The following KCNIP4 variants were observed in gnomAD, a reference collection of about 807,000 sequenced individuals.
KCNIP4 encodes potassium voltage-gated channel interacting protein 4.
In KCNIP4, 12 loss-of-function variants were observed where a neutral mutation model predicts 34.0. The observed-to-expected ratio is 0.35, with a 90% CI of 0.23 to 0.57. The LOEUF (loss-of-function observed/expected upper bound fraction) is 0.57. Among genes scored for constraint, KCNIP4 ranks in the 20% least tolerant of loss-of-function variants. KCNIP4 has a pLI of 0.83. For missense variants in KCNIP4, 238 were observed against 311.7 expected (o/e 0.76, Z 1.78); for synonymous variants, 124 against 102.2 (o/e 1.21, Z -1.29).
chr4:21,838,599 T>C (rs1723487125), intron 1 of KCNIP4, among the ~76,000 whole-genome samples: 1 of 152,202 alleles, frequency 6.6e-6, no homozygotes, highest in Non-Finnish European at 1.5e-5. Flanking sequence ...AACACTTTTA[T>C]GAATTCGTAT....
At chr4:21,565,087 G>A (rs1344435324) in intron 1 of KCNIP4, among the ~76,000 whole-genome samples, 1 of 152,104 alleles carries the variant, frequency 6.6e-6, no homozygotes, top group Non-Finnish European at 1.5e-5. Context: ...GCATACAATG[G>A]AGATAAAAAT....
chr4:21,015,207 T>A (rs1020168759), intron 1 of KCNIP4, among the ~76,000 whole-genome samples: 1 of 151,430 alleles, frequency 6.6e-6, no homozygotes, highest in Admixed American at 6.6e-5. Flanking sequence ...TGGATAGAAG[T>A]GACTGTTGCA....
chr4:20,943,613 C>T (rs894524138), intron 1 of KCNIP4, among the ~76,000 whole-genome samples: 1 of 152,086 alleles, frequency 6.6e-6, no homozygotes, highest in Non-Finnish European at 1.5e-5. Flanking sequence ...GAGGAGGAAA[C>T]TGAGCTCAGA....
chr4:21,276,211 A>G (rs1762427074), intron 1 of KCNIP4, among the ~76,000 whole-genome samples: 1 of 152,210 alleles, frequency 6.6e-6, no homozygotes. Context: ...TGTGAATGTG[A>G]CCGTTTAAAT....
At chr4:20,801,168 G>A (rs1714173206) in intron 3 of KCNIP4, among the ~76,000 whole-genome samples, 1 of 151,858 alleles carries the variant, frequency 6.6e-6, no homozygotes, top group African/African-American at 2.4e-5. Flanking sequence ...AGCTATGGCT[G>A]TTATACCCGG....
At chr4:20,958,683 C>T (rs186389381) in intron 1 of KCNIP4, among the ~76,000 whole-genome samples, 23 of 152,234 alleles carry the variant, frequency 1.5e-4, no homozygotes, top group Admixed American at 4.6e-4. Context: ...CTTTCCTAGG[C>T]GTTTGTTACA....
intron 3 of KCNIP4, among the ~76,000 whole-genome samples, chr4:20,804,629 A>G (rs1714827709): frequency 6.6e-6 from 1 of 152,118 alleles, no homozygotes; most frequent in South Asian, 2.1e-4. Flanking sequence ...CTTGCCCTTA[A>G]GAAAGCACCT....
intron 6 of KCNIP4, among the ~76,000 whole-genome samples, chr4:20,733,689 TA>T (rs1325740223): frequency 6.6e-6 from 1 of 152,166 alleles, no homozygotes; most frequent in Non-Finnish European, 1.5e-5. Context: ...AGTATCTGGG[TA>T]ATAAATATTC....
At chr4:20,850,380 C>A (rs1400454085) in intron 3 of KCNIP4, 163 bp downstream of exon 3, 4 of 718,326 alleles carry the variant, frequency 5.6e-6, no homozygotes, top group Non-Finnish European at 9.0e-6. Context: ...CACAGAGAAT[C>A]AAAGTCCACA....
chr4:21,921,954 C>T (rs1280741420), intron 1 of KCNIP4, among the ~76,000 whole-genome samples: 2 of 152,178 alleles, frequency 1.3e-5, no homozygotes, highest in Non-Finnish European at 2.9e-5. Context: ...AATGCAGCCT[C>T]CAAGGTTCTC....
chr4:21,621,087 TGG>T (rs1744967833), intron 1 of KCNIP4, among the ~76,000 whole-genome samples: 1 of 152,172 alleles, frequency 6.6e-6, no homozygotes, highest in African/African-American at 2.4e-5. Flanking sequence ...ATGCCTACAA[TGG>T]ATGTGAAGTG....
intron 1 of KCNIP4, among the ~76,000 whole-genome samples, chr4:21,799,269 T>C (rs912466166): frequency 1.3e-5 from 2 of 152,092 alleles, no homozygotes; most frequent in South Asian, 4.1e-4. Context: ...GTAACTGAGA[T>C]TTAGAGAGGT....
At chr4:21,667,465 G>A (rs1749073959) in intron 1 of KCNIP4, among the ~76,000 whole-genome samples, 1 of 152,226 alleles carries the variant, frequency 6.6e-6, no homozygotes, top group African/African-American at 2.4e-5. Context: ...GGATGTTGGA[G>A]ACAGAGCCAG....
chr4:21,806,343 C>T (rs1208583534), intron 1 of KCNIP4, among the ~76,000 whole-genome samples: 4 of 152,196 alleles, frequency 2.6e-5, no homozygotes, highest in East Asian at 1.9e-4. Context: ...TCCATCTTGC[C>T]GTTTACAATT....
intron 1 of KCNIP4, among the ~76,000 whole-genome samples, chr4:21,740,696 A>T (rs1716336364): frequency 6.6e-6 from 1 of 152,196 alleles, no homozygotes; most frequent in African/African-American, 2.4e-5. Flanking sequence ...AAGTGGCAAT[A>T]ATTTTAATTC....
intron 1 of KCNIP4, among the ~76,000 whole-genome samples, chr4:21,945,534 C>A (rs1211779250): frequency 6.6e-6 from 1 of 152,130 alleles, no homozygotes; most frequent in East Asian, 1.9e-4. Flanking sequence ...CACGATACAT[C>A]CATCAAATGG....
intron 1 of KCNIP4, among the ~76,000 whole-genome samples, chr4:21,836,914 A>ATTTTTTTT (rs201730191): frequency 1.5e-4 from 19 of 123,534 alleles, no homozygotes; most frequent in African/African-American, 5.7e-4. Context: ...GCTGGGATAA[A>ATTTTTTTT]TTTTTTTTTT....
intron 1 of KCNIP4, among the ~76,000 whole-genome samples, chr4:21,738,132 TAAATAATAAATAAAA>T (rs1268610426): frequency 2.0e-5 from 2 of 99,878 alleles, no homozygotes; most frequent in Non-Finnish European, 1.9e-5. Flanking sequence ...AATAAATAAA[TAAATAATAAATAAAA>T]GGCTTAAAAG....
intron 1 of KCNIP4, among the ~76,000 whole-genome samples, chr4:20,921,097 A>C (rs1213227828): frequency 2.0e-5 from 3 of 152,190 alleles, no homozygotes; most frequent in African/African-American, 7.2e-5. Context: ...TTGTTTCTAC[A>C]GTCCAGTTAA....
Sources: allele counts gnomAD v4.1 joint callset (sites outside exome capture counted in the v4.1 genomes callset), GRCh38; gene constraint gnomAD v4.1.1; transcripts MANE v1.5; gene names NCBI Gene and HGNC (gene_info 2026-07-23, HGNC 2026-07-21).